ZNF676: variants seen among roughly 807,000 people sequenced by gnomAD.
ZNF676 encodes zinc finger protein 676.
ZNF676 carries 4 observed loss-of-function variants against 6.0 expected under a neutral mutation model. That is an observed-to-expected ratio of 0.67 (90% CI 0.33 to 1.53). The LOEUF (loss-of-function observed/expected upper bound fraction) is 1.53. Ranked by LOEUF, ZNF676 falls within the 40% of genes most tolerant of loss-of-function variation. ZNF676 has a pLI of 0.06. For synonymous variants in ZNF676, 198 were observed against 223.1 expected, an observed-to-expected ratio of 0.89 and a Z score of 1.00; for missense variants, 644 against 679.7, an observed-to-expected ratio of 0.95 and a Z score of 0.58.
Position 22,196,944 on chromosome 19 carries a change from T to C in ZNF676, c.-311A>G. Reference sequence around the variant, plus strand: ...GTATAAGATCCATAACATCTGTGTATATGTAATATTTTTCTAGATAATAAA... The same window carrying C: ...GTATAAGATCCATAACATCTGTGTACATGTAATATTTTTCTAGATAATAAA... On this transcript the variant is annotated 5_prime_UTR_variant, in exon 1 of 3. In the 5' UTR this introduces an upstream ATG that the reference lacks. Transcript: ENST00000397121. 4.1e-6 allele frequency: 2 copies of C among 481,944 alleles called. No individual in the cohort carries two copies. Among genetic ancestry groups the C allele is most frequent in the Non-Finnish European group, 7.2e-6 (2 of 276,212 alleles). 29.9% of individuals were successfully genotyped at this position (481,944 alleles called of 1,614,324 possible).
intron 2 of ZNF676, among the ~76,000 whole-genome samples, chr19:22,186,809 G>A (rs2023845999): frequency 6.6e-6 from 1 of 152,152 alleles, no homozygotes; most frequent in Non-Finnish European, 1.5e-5. Context: ...ATGGTAAAAG[G>A]ATCAATGCAA....
chr19:22,221,601 AT>A, the ZNF676 span, among the ~76,000 whole-genome samples: 6 of 152,178 alleles, frequency 3.9e-5, no homozygotes, highest in Admixed American at 1.3e-4. Flanking sequence ...AAATACAAAA[AT>A]TAGGCAGGCA....
upstream of ZNF676, among the ~76,000 whole-genome samples, chr19:22,218,281 T>C (rs1287563085): frequency 2.6e-5 from 4 of 152,174 alleles, no homozygotes; most frequent in Non-Finnish European, 5.9e-5. Flanking sequence ...GATTAAAGTA[T>C]TTGATCCATC....
At chr19:22,212,501 GCTCA>G (rs2024139701) in intron 1 of ZNF676, among the ~76,000 whole-genome samples, 2 of 151,700 alleles carry the variant, frequency 1.3e-5, no homozygotes, top group Admixed American at 1.3e-4. Context: ...AGAATTTTGA[GCTCA>G]AACAGCCTGG....
chr19:22,192,833 G>A (rs1243791750), intron 2 of ZNF676, among the ~76,000 whole-genome samples, 183 bp downstream of exon 2: 2 of 152,110 alleles, frequency 1.3e-5, no homozygotes, highest in African/African-American at 4.8e-5. Context: ...AGAATTCTTA[G>A]AAATTTTAAA....
chr19:22,189,521 G>A (rs1403463734), intron 2 of ZNF676, among the ~76,000 whole-genome samples: 12 of 151,922 alleles, frequency 7.9e-5, no homozygotes, highest in Non-Finnish European at 2.9e-5. Context: ...TTGACAAAAG[G>A]GACCTAATTT....
At chr19:22,197,129 C>A (rs1302174449), upstream of ZNF676, among the ~76,000 whole-genome samples, 2 of 151,920 alleles carry the variant, frequency 1.3e-5, no homozygotes, top group Non-Finnish European at 2.9e-5. Context: ...TCGAGACCAG[C>A]CTGACCAACA....
the ZNF676 span, among the ~76,000 whole-genome samples, chr19:22,256,480 C>T: frequency 1.3e-5 from 2 of 152,066 alleles, no homozygotes; most frequent in African/African-American, 4.8e-5. Context: ...AAGGTTCAGG[C>T]AAAAGAAACA....
chr19:22,250,342 G>A, the ZNF676 span, among the ~76,000 whole-genome samples: 3 of 152,080 alleles, frequency 2.0e-5, no homozygotes, highest in Non-Finnish European at 4.4e-5. Context: ...AAAGACAGGA[G>A]ACAAATAGTT....
In ZNF676 at chr19:22,196,733, A is replaced by AAC. The variant is rs1238032639; in HGVS notation, c.-102_-101dup. The AAC allele has an allele frequency of 1.9e-6, 3 of 1,589,946 alleles. No homozygotes were observed. The highest frequency in any genetic ancestry group is 1.7e-4 in the Middle Eastern group (1 of 6,010). On this transcript the variant is annotated 5_prime_UTR_variant, in exon 1 of 3. It removes the in-frame stop codon of an upstream open reading frame in the 5' UTR. Coordinates refer to ENST00000397121, the MANE Select transcript of ZNF676 (RefSeq NM_001001411.3). ...CCCTAAATGTCAATGCTCCCTGGAAAACACACACAAACACATATATTTACC... is the reference window on the plus strand; with the variant it reads ...CCCTAAATGTCAATGCTCCCTGGAAAACACACACACAAACACATATATTTACC...
the ZNF676 span, among the ~76,000 whole-genome samples, chr19:22,226,514 A>G: frequency 6.6e-6 from 1 of 151,608 alleles, no homozygotes; most frequent in African/African-American, 2.4e-5. Context: ...AAATTTTTTG[A>G]CTCTTGAGCA....
intron 1 of ZNF676, chr19:22,203,512 T>C (rs2024046814): frequency 6.6e-6 from 1 of 152,284 alleles, no homozygotes; most frequent in South Asian, 2.1e-4. Context: ...CTAAGAAGAA[T>C]TTCTCTCCAA....
At chr19:22,216,653 G>GC (rs1176838359), upstream of ZNF676, among the ~76,000 whole-genome samples, 2 of 145,378 alleles carry the variant, frequency 1.4e-5, no homozygotes, top group African/African-American at 2.6e-5. Flanking sequence ...GCTGTTTTTT[G>GC]AGACGAGTCT....
the ZNF676 span, among the ~76,000 whole-genome samples, chr19:22,224,380 A>G: frequency 6.6e-6 from 1 of 151,158 alleles, no homozygotes; most frequent in African/African-American, 2.4e-5. Context: ...CCATATGTCT[A>G]TCACAATCAG....
chr19:22,257,404 A>C, the ZNF676 span, among the ~76,000 whole-genome samples: 1 of 152,290 alleles, frequency 6.6e-6, no homozygotes, highest in South Asian at 2.1e-4. Context: ...AATACCAAAA[A>C]TACGCAAGGC....
At chr19:22,215,983 C>CAGGATT (rs2024184308), upstream of ZNF676, among the ~76,000 whole-genome samples, 1 of 152,192 alleles carries the variant, frequency 6.6e-6, no homozygotes, top group African/African-American at 2.4e-5. Context: ...CTGAGCTGAG[C>CAGGATT]CAGGCCTACC....
chr19:22,257,636 C>G, the ZNF676 span, among the ~76,000 whole-genome samples: 1 of 152,144 alleles, frequency 6.6e-6, no homozygotes, highest in Non-Finnish European at 1.5e-5. Flanking sequence ...TATGTACAGC[C>G]CAGGCAGGAG....
At chr19:22,185,899 G>A (rs576810891) in intron 2 of ZNF676, among the ~76,000 whole-genome samples, 17 of 152,056 alleles carry the variant, frequency 1.1e-4, no homozygotes, top group South Asian at 6.2e-4. Flanking sequence ...CCAAATCTTC[G>A]TTTGATTGGG....
At position 22,179,155 on chromosome 19, in the gene ZNF676, T is replaced by C. The variant is rs2023691038; in HGVS notation, c.*795A>G. The C allele has an allele frequency of 6.3e-6, 1 of 158,478 alleles. No individual in the cohort carries two copies. Among genetic ancestry groups the C allele is most frequent in the African/African-American group, 2.4e-5 (1 of 41,498 alleles). 9.8% of individuals were successfully genotyped at this position (158,478 alleles called of 1,614,324 possible). ...GTATATTATCTTACCTACAATCAAG[T>C]GTGACAGCCATTTAAAGGCTTTGTC... On this transcript the variant is annotated 3_prime_UTR_variant, in exon 3 of 3. Transcript: ENST00000397121.
Sources: allele counts gnomAD v4.1 joint callset (sites outside exome capture counted in the v4.1 genomes callset), GRCh38; gene constraint gnomAD v4.1.1; transcripts MANE v1.5; gene names NCBI Gene and HGNC (gene_info 2026-07-23, HGNC 2026-07-21).